Variants in NR1H3 observed in about 807,000 individuals in gnomAD.
NR1H3 encodes nuclear receptor subfamily 1 group H member 3, also known as oxysterols receptor LXR-alpha.
A neutral mutation model predicts 48.1 loss-of-function variants in NR1H3; 19 were observed. The ratio of observed to expected loss-of-function variants is 0.40; its 90% CI spans 0.28 to 0.58. The LOEUF (loss-of-function observed/expected upper bound fraction) is 0.58, where lower values mean the gene tolerates loss of function less well. Ranked by LOEUF, NR1H3 falls within the 20% of genes least tolerant of loss-of-function variation. The probability of loss-of-function intolerance (pLI) is 0.50; values close to 1 mark genes in which losing one functional copy is unlikely to be tolerated. For synonymous variants in NR1H3, 232 were observed against 227.3 expected (o/e 1.02, Z -0.19); for missense variants, 486 against 595.9 (o/e 0.82, Z 1.92).
chr11:47,268,101 G>C (rs1452470224), intron 8 of NR1H3, 75 bp downstream of exon 8: 2 of 1,287,612 alleles, frequency 1.6e-6, no homozygotes, highest in Non-Finnish European at 2.2e-6. Context: ...GGAATCGGTG[G>C]GGGGAGGGGG....
At chr11:47,249,129 CTG>C (rs1454337210) in intron 1 of NR1H3, 49 of 870,830 alleles carry the variant, frequency 5.6e-5, no homozygotes, top group Non-Finnish European at 8.1e-5. Flanking sequence ...GGGACCATGT[CTG>C]GAGAACCAGC....
chr11:47,261,802 C>T, intron 6 of NR1H3, 76 bp downstream of exon 6: 1 of 1,606,798 alleles, frequency 6.2e-7, no homozygotes. Context: ...AGACATCGAG[C>T]TGGGAGAGCC....
chr11:47,250,297 C>T (rs1477336098), intron 1 of NR1H3, among the ~76,000 whole-genome samples: 1 of 152,094 alleles, frequency 6.6e-6, no homozygotes, highest in African/African-American at 2.4e-5. Context: ...GTGGTCCTAG[C>T]TCCTCGGGAG....
intron 1 of NR1H3, among the ~76,000 whole-genome samples, chr11:47,252,469 G>A (rs1391025802): frequency 6.6e-6 from 1 of 151,968 alleles, no homozygotes; most frequent in Admixed American, 6.6e-5. Flanking sequence ...ATGTTGGTCA[G>A]GCTGGTCTCG....
intron 2 of NR1H3, chr11:47,259,553 A>C: frequency 4.1e-6 from 6 of 1,472,598 alleles, no homozygotes; most frequent in Middle Eastern, 3.6e-4. Flanking sequence ...AAATGCATAC[A>C]CTCCAGCCCC....
At chr11:47,260,146 C>G (rs1271929355) in intron 3 of NR1H3, among the ~76,000 whole-genome samples, 167 bp downstream of exon 3, 1 of 152,104 alleles carries the variant, frequency 6.6e-6, no homozygotes, top group African/African-American at 2.4e-5. Flanking sequence ...GTCTCTAGGC[C>G]TTTCTGAGCC....
Position 47,261,010 on chromosome 11 carries a change from G to A in NR1H3, c.500-231G>A, listed in dbSNP as rs151108486. ...TGAGGCAGGAGAATCACTTGAACACGGGAGGTGGAGGTTGCAGTGTGCCAA... is the reference window on the plus strand; with the variant it reads ...TGAGGCAGGAGAATCACTTGAACACAGGAGGTGGAGGTTGCAGTGTGCCAA... On this transcript the variant is annotated intron_variant, in intron 4 of 9. Transcript: ENST00000441012. Among the ~76,000 whole-genome samples, 403 of 152,040 alleles carry A rather than the reference G, an allele frequency of 2.7e-3. 5 individuals carry two copies. The highest frequency in any genetic ancestry group is 9.4e-3 in the African/African-American group (388 of 41,452).
intron 4 of NR1H3, 62 bp downstream of exon 4, chr11:47,260,737 C>A: frequency 1.3e-6 from 2 of 1,514,178 alleles, no homozygotes; most frequent in Non-Finnish European, 1.8e-6. Context: ...AGGGTGTGAC[C>A]CAAAACAGGT....
intron 1 of NR1H3, 83 bp downstream of exon 1, chr11:47,258,212 G>A (rs186957593): frequency 8.1e-4 from 796 of 985,292 alleles, no homozygotes; most frequent in Non-Finnish European, 9.1e-4. Context: ...GATCTGAGAA[G>A]GGGGTTTCTG....
Position 47,259,933 on chromosome 11 carries a change from G to A in NR1H3, c.186G>A (p.Glu62=). 1 of 1,597,010 alleles carries A rather than the reference G, an allele frequency of 6.3e-7. No homozygotes were observed. The highest frequency in any genetic ancestry group is 8.5e-7 in the Non-Finnish European group (1 of 1,171,964). Residue 62 remains glutamate (E), a synonymous_variant, in exon 3 of 10, where the codon GAG becomes GAA. Coordinates refer to ENST00000441012, the MANE Select transcript of NR1H3 (RefSeq NM_005693.4). ...CAGGGGTGGGGCTGGAGGCTGCAGA[G>A]CCCACAGCCCTGCTCACCAGGGCAG... is the stretch of plus-strand genomic sequence containing the variant. ...GTAGVGLEAA[E]PTALLTRAEP...
At chr11:47,263,397 G>A (rs1453835767) in intron 7 of NR1H3, among the ~76,000 whole-genome samples, 1 of 151,388 alleles carries the variant, frequency 6.6e-6, no homozygotes, top group Non-Finnish European at 1.5e-5. Flanking sequence ...CCAAGTAGGT[G>A]GGACTACAGG....
chr11:47,265,602 G>C (rs1393108016), intron 7 of NR1H3, among the ~76,000 whole-genome samples: 1 of 152,262 alleles, frequency 6.6e-6, no homozygotes, highest in African/African-American at 2.4e-5. Context: ...GACCAGGCGC[G>C]GTGGCTCATG....
Position 47,268,309 on chromosome 11 carries a change from CAT to C in NR1H3, c.1154_1155del (p.Tyr385CysfsTer15). On this transcript the variant is annotated frameshift_variant, in exon 9 of 10. Transcript: ENST00000441012. LOFTEE classifies it high-confidence loss of function. ...CTCCAGGTAGAGAGGCTGCAGCACA[CAT>C]ATGTGGAAGCCCTGCATGCCTACGT... 1 of 1,614,158 alleles carries C rather than the reference CAT, an allele frequency of 6.2e-7. No individual in the cohort carries two copies. The highest frequency in any genetic ancestry group is 8.5e-7 in the Non-Finnish European group (1 of 1,180,024).
exon 1 of NR1H3, chr11:47,248,949 G>T: frequency 6.5e-7 from 1 of 1,531,206 alleles, no homozygotes; most frequent in Non-Finnish European, 8.7e-7. Context: ...GTCTCGGTGG[G>T]ATTGCGTGCA....
Position 47,268,807 on chromosome 11 carries a change from A to G in NR1H3, c.*111A>G, listed in dbSNP as rs1178797092. ...GGCAAACATTCCTGGGAGCTGGGCA[A>G]GGAGATCCTCCCGTGGCATTAAAAG... On this transcript the variant is annotated 3_prime_UTR_variant, in exon 10 of 10. Coordinates refer to ENST00000441012, the MANE Select transcript of NR1H3 (RefSeq NM_005693.4). 1 of 1,362,282 alleles carries G rather than the reference A, an allele frequency of 7.3e-7. No homozygotes were observed. Among genetic ancestry groups the G allele is most frequent in the Non-Finnish European group, 1.0e-6 (1 of 997,278 alleles). 84.4% of individuals were successfully genotyped at this position (1,362,282 alleles called of 1,614,324 possible). A position where few individuals can be genotyped will look rare whatever the true frequency, so the allele number is the denominator to read the frequency against.
chr11:47,248,710 G>T, upstream of NR1H3: 1 of 1,612,060 alleles, frequency 6.2e-7, no homozygotes, highest in South Asian at 1.1e-5. Flanking sequence ...GGCCCGGGTG[G>T]GCGGCATCAC....
At chr11:47,255,541 T>TTCTCTTTC (rs1375767131), upstream of NR1H3, among the ~76,000 whole-genome samples, 41 of 71,660 alleles carry the variant, frequency 5.7e-4, 1 homozygote, top group Middle Eastern at 0.013. Context: ...CTTTCTTTCT[T>TTCTCTTTC]TTTCTTTCTT....
chr11:47,248,808 A>G (rs940675619), upstream of NR1H3: 5 of 1,573,174 alleles, frequency 3.2e-6, no homozygotes, highest in Admixed American at 1.9e-5. Context: ...TAATCTATGC[A>G]GCAAACAAGC....
upstream of NR1H3, among the ~76,000 whole-genome samples, chr11:47,255,236 G>A (rs1023307853): frequency 2.0e-5 from 3 of 152,208 alleles, no homozygotes; most frequent in Non-Finnish European, 4.4e-5. Context: ...GGACATCTGG[G>A]TTCTGATCCC....
Sources: allele counts gnomAD v4.1 joint callset (sites outside exome capture counted in the v4.1 genomes callset), GRCh38; gene constraint gnomAD v4.1.1; transcripts MANE v1.5; gene names NCBI Gene and HGNC (gene_info 2026-07-23, HGNC 2026-07-21).